The following IQGAP2 variants were observed in gnomAD, a reference collection of about 807,000 sequenced individuals.
IQGAP2 encodes the protein IQ motif containing GTPase activating protein 2.
Under a neutral mutation model 201.3 loss-of-function variants are expected in IQGAP2, and 173 were observed. The observed-to-expected ratio is 0.86, with a 90% CI of 0.76 to 0.98. The LOEUF (loss-of-function observed/expected upper bound fraction) is 0.98. Among genes scored for constraint, IQGAP2 ranks in the 50% least tolerant of loss-of-function variants. The pLI, the probability that IQGAP2 is intolerant of heterozygous loss-of-function variation, is 0.00. For missense variants in IQGAP2, 1,687 were observed against 1,864.8 expected, an observed-to-expected ratio of 0.90 and a Z score of 1.76; for synonymous variants, 675 against 673.9, an observed-to-expected ratio of 1.00 and a Z score of -0.03.
chr5:76,616,021 A>T (rs1748931136), intron 13 of IQGAP2: 1 of 152,664 alleles, frequency 6.6e-6, no homozygotes, highest in Admixed American at 6.5e-5. Flanking sequence ...TATTCAAAGC[A>T]TGGAGCTGGG....
intron 2 of IQGAP2, among the ~76,000 whole-genome samples, chr5:76,523,284 T>C (rs1444309335): frequency 6.7e-6 from 1 of 149,932 alleles, no homozygotes; most frequent in Non-Finnish European, 1.5e-5. Context: ...AGGGGGAGAG[T>C]CTCTCTATGC....
intron 13 of IQGAP2, among the ~76,000 whole-genome samples, chr5:76,622,722 A>G (rs1749823492): frequency 1.3e-5 from 2 of 152,192 alleles, no homozygotes; most frequent in African/African-American, 4.8e-5. Flanking sequence ...ACTTATTAGC[A>G]TTGCCAGCTA....
chr5:76,669,282 T>A (rs1158944405), intron 23 of IQGAP2, among the ~76,000 whole-genome samples: 1 of 152,228 alleles, frequency 6.6e-6, no homozygotes, highest in Non-Finnish European at 1.5e-5. Flanking sequence ...GTAGCTATAA[T>A]GAGTGGGCTG....
chr5:76,585,414 A>G (rs1561484935), intron 5 of IQGAP2, among the ~76,000 whole-genome samples: 1 of 152,162 alleles, frequency 6.6e-6, no homozygotes, highest in African/African-American at 2.4e-5. Context: ...ATTTGTAAAA[A>G]GAGGAGGAAA....
At chr5:76,542,091 C>G (rs1036931535) in intron 2 of IQGAP2, among the ~76,000 whole-genome samples, 2 of 152,176 alleles carry the variant, frequency 1.3e-5, no homozygotes, top group East Asian at 1.9e-4. Context: ...TGCAGCAATG[C>G]TCCCACCTCA....
intron 1 of IQGAP2, among the ~76,000 whole-genome samples, chr5:76,431,085 A>G (rs1446504410): frequency 6.6e-6 from 1 of 152,106 alleles, no homozygotes; most frequent in Non-Finnish European, 1.5e-5. Flanking sequence ...GTACATATAT[A>G]TGTAAAAATT....
At chr5:76,609,933 A>G (rs1456187144) in intron 12 of IQGAP2, among the ~76,000 whole-genome samples, 1 of 149,522 alleles carries the variant, frequency 6.7e-6, no homozygotes, top group Admixed American at 6.7e-5. Flanking sequence ...TTTAATAATA[A>G]GGTATTGAGA....
intron 1 of IQGAP2, among the ~76,000 whole-genome samples, chr5:76,437,043 G>C (rs895461073): frequency 5.3e-5 from 8 of 151,660 alleles, no homozygotes; most frequent in Non-Finnish European, 1.5e-5. Flanking sequence ...CCTTGATTAT[G>C]GTGGTGTATT....
At chr5:76,678,504 T>C (rs1174043157) in intron 28 of IQGAP2, among the ~76,000 whole-genome samples, 4 of 151,960 alleles carry the variant, frequency 2.6e-5, no homozygotes, top group African/African-American at 9.7e-5. Flanking sequence ...CATGAAAAAA[T>C]CTTGGTTTTT....
At chr5:76,473,182 T>C (rs1313215308) in intron 2 of IQGAP2, among the ~76,000 whole-genome samples, 1 of 152,236 alleles carries the variant, frequency 6.6e-6, no homozygotes, top group Non-Finnish European at 1.5e-5. Context: ...GATCATGTCT[T>C]CCTTGTAAGT....
chr5:76,661,741 G>A (rs1003890179), intron 21 of IQGAP2, among the ~76,000 whole-genome samples: 1 of 152,136 alleles, frequency 6.6e-6, no homozygotes, highest in Non-Finnish European at 1.5e-5. Flanking sequence ...TGAAGCTTAG[G>A]TTAACCTGTG....
intron 2 of IQGAP2, among the ~76,000 whole-genome samples, chr5:76,492,990 G>A (rs1330889945): frequency 8.5e-5 from 13 of 152,080 alleles, no homozygotes; most frequent in Non-Finnish European, 1.2e-4. Context: ...TGTGCAGATC[G>A]TGGATTGCAG....
intron 2 of IQGAP2, among the ~76,000 whole-genome samples, chr5:76,535,164 T>C (rs565438541): frequency 3.5e-4 from 53 of 152,158 alleles, no homozygotes; most frequent in African/African-American, 1.3e-3. Flanking sequence ...GTGGGAGGAT[T>C]TTAAGCAGGG....
Position 76,519,304 on chromosome 5 carries a change from A to C in IQGAP2, c.147-43092A>C, listed in dbSNP as rs554351544. ...TCCAGAATATCACATGAATGGATTC[A>C]TAAAGCATGTAATCTTTTAAGACTG... On this transcript the variant is annotated intron_variant, in intron 2 of 35. Coordinates refer to ENST00000274364, the MANE Select transcript of IQGAP2 (RefSeq NM_006633.5). 2.8e-4 allele frequency among the ~76,000 whole-genome samples: 42 copies of C among 152,350 alleles called. 1 individual carries two copies. Among genetic ancestry groups the C allele is most frequent in the Middle Eastern group, 3.4e-3 (1 of 294 alleles).
At chr5:76,502,317 G>T (rs537089483) in intron 2 of IQGAP2, among the ~76,000 whole-genome samples, 1 of 152,354 alleles carries the variant, frequency 6.6e-6, no homozygotes, top group African/African-American at 2.4e-5. Context: ...ATTAAGTTTA[G>T]TGAGATGGTA....
chr5:76,670,168 G>A (rs533625294), intron 23 of IQGAP2, among the ~76,000 whole-genome samples: 3 of 152,062 alleles, frequency 2.0e-5, no homozygotes, highest in African/African-American at 7.2e-5. Context: ...CTTTTGTTTG[G>A]GCATTGATTC....
chr5:76,510,455 G>A (rs1012938369), intron 2 of IQGAP2: 3 of 302,748 alleles, frequency 9.9e-6, no homozygotes, highest in South Asian at 2.7e-5. Flanking sequence ...TGAGGGTCCC[G>A]GGCCAGGCAG....
At chr5:76,633,412 T>TTGCATTTG (rs1750865573) in intron 15 of IQGAP2, among the ~76,000 whole-genome samples, 1 of 152,230 alleles carries the variant, frequency 6.6e-6, no homozygotes, top group Non-Finnish European at 1.5e-5. Context: ...CATATAAGGC[T>TTGCATTTG]TGCATTTGTT....
intron 2 of IQGAP2, among the ~76,000 whole-genome samples, chr5:76,488,488 A>C (rs1756315546): frequency 6.6e-6 from 1 of 152,204 alleles, no homozygotes; most frequent in South Asian, 2.1e-4. Context: ...CCTGCGAAAG[A>C]TTCTGTGCTT....
Sources: gnomAD v4.1 joint callset for allele counts (sites outside exome capture counted in the v4.1 genomes callset) on GRCh38, gnomAD v4.1.1 for gene constraint, MANE v1.5 for transcripts, NCBI Gene and HGNC (gene_info 2026-07-23, HGNC 2026-07-21) for gene names.